Variants in CTNNA2 observed in about 807,000 individuals in gnomAD.
CTNNA2 encodes catenin alpha 2, also known as catenin alpha-2.
Under a neutral mutation model 101.0 loss-of-function variants are expected in CTNNA2, and 42 were observed. The ratio of observed to expected loss-of-function variants is 0.42; its 90% CI spans 0.32 to 0.54. The LOEUF is 0.54. Ranked by LOEUF, CTNNA2 falls within the 20% of genes least tolerant of loss-of-function variation. The probability of loss-of-function intolerance (pLI) is 0.14; values close to 1 mark genes in which losing one functional copy is unlikely to be tolerated. For synonymous variants in CTNNA2, 450 were observed against 456.4 expected, an observed-to-expected ratio of 0.99 and a Z score of 0.18; for missense variants, 871 against 1,223.1, an observed-to-expected ratio of 0.71 and a Z score of 4.29.
intron 1 of CTNNA2, chr2:79,548,084 T>G (rs2104029614): frequency 6.6e-6 from 1 of 152,358 alleles, no homozygotes; most frequent in Non-Finnish European, 1.5e-5. Context: ...ATCTCCTGTT[T>G]GAGTTCTCGC....
intron 13 of CTNNA2, among the ~76,000 whole-genome samples, chr2:80,580,779 C>G (rs976903690): frequency 1.3e-5 from 2 of 152,114 alleles, no homozygotes; most frequent in African/African-American, 4.8e-5. Flanking sequence ...ATTTGGGAGG[C>G]CAATGCGGGC....
At chr2:80,215,736 C>G (rs1440699391) in intron 7 of CTNNA2, among the ~76,000 whole-genome samples, 5 of 152,194 alleles carry the variant, frequency 3.3e-5, no homozygotes, top group Admixed American at 3.3e-4. Context: ...GGCAGTCTGT[C>G]CGTTCTCAGA....
intron 3 of CTNNA2, among the ~76,000 whole-genome samples, chr2:79,834,896 T>C (rs1428325873): frequency 1.3e-5 from 2 of 152,154 alleles, no homozygotes; most frequent in African/African-American, 4.8e-5. Context: ...GTTTTATTAA[T>C]TTTCCTATTC....
intron 2 of CTNNA2, among the ~76,000 whole-genome samples, chr2:79,686,617 G>T (rs1322054133): frequency 6.6e-6 from 1 of 152,028 alleles, no homozygotes; most frequent in Non-Finnish European, 1.5e-5. Context: ...AGAATGAGAG[G>T]AAGAAGTAAT....
chr2:79,813,500 G>C (rs1159709816), intron 3 of CTNNA2, among the ~76,000 whole-genome samples: 1 of 152,172 alleles, frequency 6.6e-6, no homozygotes, highest in Non-Finnish European at 1.5e-5. Flanking sequence ...TTGAACAGAT[G>C]AGCAAATGGT....
intron 3 of CTNNA2, among the ~76,000 whole-genome samples, chr2:79,324,761 A>G (rs1385452443): frequency 4.0e-5 from 6 of 150,320 alleles, no homozygotes; most frequent in African/African-American, 1.5e-4. Context: ...TACACACACT[A>G]CACATGTGTC....
chr2:79,277,214 C>T (rs556961009), intron 2 of CTNNA2, among the ~76,000 whole-genome samples: 14 of 152,178 alleles, frequency 9.2e-5, no homozygotes, highest in Middle Eastern at 6.8e-3. Flanking sequence ...AGATGTCAAG[C>T]GGCTTAAAGG....
Position 79,559,431 on chromosome 2 carries a change from G to A in CTNNA2, c.-6+46224G>A, listed in dbSNP as rs973872080. Among the ~76,000 whole-genome samples the A allele has an allele frequency of 2.6e-5, 4 of 152,044 alleles. No individual in the cohort carries two copies. The South Asian group carries it at 8.3e-4, about 31-fold the overall frequency. Reference sequence around the variant, plus strand: ...ATGTCTGAGAACCACTGATGAAAGTGAGAAATAACAGAGGCCCGGCTTCAT... The same window carrying A: ...ATGTCTGAGAACCACTGATGAAAGTAAGAAATAACAGAGGCCCGGCTTCAT... On this transcript the variant is annotated intron_variant, in intron 1 of 18. Coordinates refer to ENST00000402739, the MANE Select transcript of CTNNA2 (RefSeq NM_001282597.3).
chr2:79,673,394 T>G (rs565349557), intron 2 of CTNNA2, among the ~76,000 whole-genome samples: 1 of 152,284 alleles, frequency 6.6e-6, no homozygotes, highest in South Asian at 2.1e-4. Flanking sequence ...AACTTGAATT[T>G]CCATATATTG....
intron 7 of CTNNA2, among the ~76,000 whole-genome samples, chr2:80,220,706 G>A (rs1263614793): frequency 6.6e-6 from 1 of 152,220 alleles, no homozygotes; most frequent in Non-Finnish European, 1.5e-5. Flanking sequence ...TGCTGCTGGT[G>A]TAGGAGCCCA....
At chr2:80,306,263 T>C (rs1676934950) in intron 7 of CTNNA2, among the ~76,000 whole-genome samples, 1 of 152,142 alleles carries the variant, frequency 6.6e-6, no homozygotes, top group South Asian at 2.1e-4. Context: ...GAAGAGACAT[T>C]AGAAAATCAA....
intron 1 of CTNNA2, among the ~76,000 whole-genome samples, chr2:79,519,807 C>G (rs1338780297): frequency 6.6e-6 from 1 of 152,172 alleles, no homozygotes; most frequent in East Asian, 1.9e-4. Flanking sequence ...ATCCTTCCCT[C>G]TCTTTCATTT....
intron 1 of CTNNA2, among the ~76,000 whole-genome samples, chr2:79,540,662 A>G (rs1377627788): frequency 6.6e-6 from 1 of 152,228 alleles, no homozygotes; most frequent in Non-Finnish European, 1.5e-5. Flanking sequence ...AGTCATAGTT[A>G]TGTATTTATA....
At chr2:79,652,924 T>C (rs1681361950) in intron 2 of CTNNA2, among the ~76,000 whole-genome samples, 1 of 152,174 alleles carries the variant, frequency 6.6e-6, no homozygotes. Flanking sequence ...TTGTCCAAAT[T>C]ATTTAAATTA....
At chr2:79,791,544 C>T (rs1675272460) in intron 3 of CTNNA2, among the ~76,000 whole-genome samples, 1 of 152,166 alleles carries the variant, frequency 6.6e-6, no homozygotes, top group African/African-American at 2.4e-5. Context: ...ATAGTTGCTT[C>T]AGGGGTAGCC....
At chr2:79,668,102 C>A (rs1012005740) in intron 2 of CTNNA2, among the ~76,000 whole-genome samples, 2 of 150,726 alleles carry the variant, frequency 1.3e-5, no homozygotes, top group South Asian at 4.4e-4. Context: ...TAGCCGGGCG[C>A]GGTGGCGGGC....
intron 7 of CTNNA2, among the ~76,000 whole-genome samples, chr2:80,306,385 TTTTCTTTTCTTTTCTTTTC>T (rs918337167): frequency 7.5e-6 from 1 of 133,484 alleles, no homozygotes; most frequent in African/African-American, 3.5e-5. Context: ...CTTTCTTTTC[TTTTCTTTTCTTTTCTTTTC>T]TTTCTTTCTT....
chr2:79,827,481 A>C (rs182033852), intron 3 of CTNNA2, among the ~76,000 whole-genome samples: 32 of 152,340 alleles, frequency 2.1e-4, no homozygotes, highest in Non-Finnish European at 3.5e-4. Context: ...GCAGGGAGTC[A>C]CTTATTTGAT....
chr2:80,058,502 G>A (rs900419652), intron 7 of CTNNA2, among the ~76,000 whole-genome samples: 3 of 152,178 alleles, frequency 2.0e-5, no homozygotes, highest in Non-Finnish European at 4.4e-5. Context: ...ACGTGAGAAG[G>A]AGAAACTTTT....
Sources: allele counts gnomAD v4.1 joint callset (sites outside exome capture counted in the v4.1 genomes callset), GRCh38; gene constraint gnomAD v4.1.1; transcripts MANE v1.5; gene names NCBI Gene and HGNC (gene_info 2026-07-23, HGNC 2026-07-21).